The following ARHGAP26 variants were observed in gnomAD, a reference collection of about 807,000 sequenced individuals.
ARHGAP26 encodes Rho GTPase activating protein 26, also known as rho GTPase-activating protein 26.
In ARHGAP26, 38 loss-of-function variants were observed where a neutral mutation model predicts 104.8. That is an observed-to-expected ratio of 0.36 (90% confidence interval 0.28 to 0.48). ARHGAP26 has a LOEUF of 0.48. Among genes scored for constraint, ARHGAP26 ranks in the 20% least tolerant of loss-of-function variants. ARHGAP26 has a pLI of 0.99. For synonymous variants in ARHGAP26, 341 were observed against 340.0 expected (o/e 1.00, Z -0.03); for missense variants, 704 against 947.9 (o/e 0.74, Z 3.38).
At position 143,056,055 on chromosome 5, in the gene ARHGAP26, C is replaced by T. The variant is rs1785762014; in HGVS notation, c.1401C>T (p.Tyr467=). 1 of 1,613,048 alleles carries T rather than the reference C, an allele frequency of 6.2e-7. No individual in the cohort carries two copies. Among genetic ancestry groups the T allele is most frequent in the South Asian group, 1.1e-5 (1 of 91,036 alleles). The part of the protein sequence containing the change: ...LRMLPGPLMM[Y]QFQRSFIKAA... ...TGCTTCCAGGACCACTCATGATGTA[C>T]CAGTTTCAAAGAAGTTTCATCAAAG... Residue 467 remains tyrosine, a synonymous_variant, in exon 16 of 23, where the codon TAC becomes TAT. Coordinates refer to ENST00000645722, the MANE Select transcript of ARHGAP26 (RefSeq NM_001135608.3).
chr5:142,928,248 T>TTA lies in ARHGAP26; in HGVS notation c.1029-3799_1029-3798insTA, dbSNP rs1554158790. Among the ~76,000 whole-genome samples the TTA allele has an allele frequency of 4.7e-3, 686 of 145,216 alleles. 6 individuals carry two copies. Among genetic ancestry groups the TTA allele is most frequent in the African/African-American group, 0.017 (647 of 37,672 alleles). On this transcript the variant is annotated intron_variant, in intron 10 of 22. Transcript: ENST00000645722. ...GTGTGTGTGTTTTTTTTTTTTTTTT[T>TTA]AAAACTCATTGCCTTTTCCATCTCT...
chr5:142,999,412 A>G (rs1242329031), intron 11 of ARHGAP26, among the ~76,000 whole-genome samples: 1 of 152,178 alleles, frequency 6.6e-6, no homozygotes, highest in Non-Finnish European at 1.5e-5. Context: ...GGATATATGA[A>G]TCAATTTTAT....
chr5:143,027,362 T>C (rs1781214513), intron 12 of ARHGAP26, among the ~76,000 whole-genome samples: 1 of 151,042 alleles, frequency 6.6e-6, no homozygotes, highest in Non-Finnish European at 1.5e-5. Flanking sequence ...TTTTTTTTTT[T>C]TAGTAGAGAC....
chr5:142,791,732 G>A (rs1043665111), intron 1 of ARHGAP26, among the ~76,000 whole-genome samples: 4 of 152,120 alleles, frequency 2.6e-5, no homozygotes, highest in African/African-American at 9.7e-5. Context: ...GGGAGGCCAA[G>A]GCGGGTGGAT....
intron 20 of ARHGAP26, among the ~76,000 whole-genome samples, chr5:143,173,332 G>A (rs1056829665): frequency 2.6e-5 from 4 of 152,092 alleles, no homozygotes; most frequent in African/African-American, 9.7e-5. Flanking sequence ...CACTGCACCC[G>A]GCTCATGCTG....
Position 143,041,906 on chromosome 5 carries a change from G to A in ARHGAP26, c.1285+16G>A. The A allele has an allele frequency of 6.4e-7, 1 of 1,571,136 alleles. No homozygotes were observed. Among genetic ancestry groups the A allele is most frequent in the Admixed American group, 1.9e-5 (1 of 53,548 alleles). On this transcript the variant is annotated intron_variant, in intron 14 of 22. Transcript: ENST00000645722. ...GTCCTGATGGGTGAGTGCCGCAGTG[G>A]CTCTGCTAGGCAGGTCCCTGGATGG...
chr5:142,919,364 C>T (rs1198695398), intron 10 of ARHGAP26: 1 of 398,524 alleles, frequency 2.5e-6, no homozygotes, highest in African/African-American at 2.1e-5. Flanking sequence ...CAGATTCTTC[C>T]TCACAGACCT....
chr5:142,858,786 T>G lies in ARHGAP26; in HGVS notation c.155-14614T>G, dbSNP rs976776032. Among the ~76,000 whole-genome samples, 6 of 152,220 alleles carry G rather than the reference T, an allele frequency of 3.9e-5. 1 individual carries two copies. In the South Asian group the frequency reaches 1.0e-3, roughly 26 times the overall value. ...GATAAGAAAGGGAATTCTGGGGAGC[T>G]ATGAGAGTGTACCCCTGGGGTGGAT... is the stretch of plus-strand genomic sequence containing the variant. On this transcript the variant is annotated intron_variant, in intron 1 of 22. Transcript: ENST00000645722.
At chr5:143,221,115 C>T (rs1333818308) in intron 22 of ARHGAP26, among the ~76,000 whole-genome samples, 1 of 152,164 alleles carries the variant, frequency 6.6e-6, no homozygotes, top group African/African-American at 2.4e-5. Flanking sequence ...ATGAACATCC[C>T]CCACCTCTTA....
intron 17 of ARHGAP26, among the ~76,000 whole-genome samples, chr5:143,082,857 TAA>T (rs542452242): frequency 2.0e-5 from 3 of 152,362 alleles, no homozygotes; most frequent in African/African-American, 7.2e-5. Context: ...GGCTTCTGTT[TAA>T]AAGAGTTTTC....
intron 11 of ARHGAP26, among the ~76,000 whole-genome samples, chr5:142,958,020 A>G (rs1256973700): frequency 6.6e-6 from 1 of 152,218 alleles, no homozygotes; most frequent in Non-Finnish European, 1.5e-5. Context: ...ACATAACTTG[A>G]ACACATTTGA....
chr5:143,101,555 C>T lies in ARHGAP26; in HGVS notation c.1539-19433C>T, dbSNP rs76782892. Among the ~76,000 whole-genome samples the T allele has an allele frequency of 3.6e-3, 550 of 152,130 alleles. 21 individuals carry two copies. The East Asian group carries it at 0.076, about 21-fold the overall frequency. ...TTCTGATTTTTTTCCCTCTCCTTTC[C>T]TTAACATCCAACCAGGCAGTGCTTT... On this transcript the variant is annotated intron_variant, in intron 17 of 22. Coordinates refer to ENST00000645722, the MANE Select transcript of ARHGAP26 (RefSeq NM_001135608.3).
At chr5:142,958,412 A>C (rs964286673) in intron 11 of ARHGAP26, among the ~76,000 whole-genome samples, 1 of 152,196 alleles carries the variant, frequency 6.6e-6, no homozygotes, top group Non-Finnish European at 1.5e-5. Flanking sequence ...CATGCTTGTA[A>C]TCCTGACACT....
chr5:142,972,180 T>TAAAAAAAAAA (rs55877614), intron 11 of ARHGAP26, among the ~76,000 whole-genome samples: 1 of 142,520 alleles, frequency 7.0e-6, no homozygotes, highest in Non-Finnish European at 1.6e-5. Context: ...AGATTCCATC[T>TAAAAAAAAAA]AAAAAAAAAA....
At chr5:143,039,040 G>A (rs1386850918) in intron 13 of ARHGAP26, among the ~76,000 whole-genome samples, 1 of 151,972 alleles carries the variant, frequency 6.6e-6, no homozygotes, top group Non-Finnish European at 1.5e-5. Flanking sequence ...TGCTCAGTAT[G>A]AGCCCGTTCT....
chr5:142,782,158 C>T (rs562706183), intron 1 of ARHGAP26, among the ~76,000 whole-genome samples: 4 of 152,238 alleles, frequency 2.6e-5, no homozygotes, highest in African/African-American at 9.6e-5. Flanking sequence ...GATGGCTGAA[C>T]TGCATACAGG....
intron 17 of ARHGAP26, among the ~76,000 whole-genome samples, chr5:143,084,739 A>T (rs1790306052): frequency 1.3e-5 from 2 of 152,108 alleles, no homozygotes; most frequent in Non-Finnish European, 2.9e-5. Flanking sequence ...GCTTATGCCA[A>T]CATCTCCGTT....
intron 10 of ARHGAP26, 102 bp downstream of exon 10, chr5:142,913,395 C>T: frequency 2.0e-6 from 2 of 988,350 alleles, no homozygotes; most frequent in South Asian, 2.8e-5. Context: ...CCCCTTCTCC[C>T]CCTCCCTCCT....
chr5:143,116,041 T>G (rs1301386602), intron 17 of ARHGAP26, among the ~76,000 whole-genome samples: 1 of 152,164 alleles, frequency 6.6e-6, no homozygotes, highest in Non-Finnish European at 1.5e-5. Context: ...GAGTGTGTCA[T>G]ACTTACTATT....
Sources: allele counts gnomAD v4.1 joint callset (sites outside exome capture counted in the v4.1 genomes callset), GRCh38; gene constraint gnomAD v4.1.1; transcripts MANE v1.5; gene names NCBI Gene and HGNC (gene_info 2026-07-23, HGNC 2026-07-21).